CSGALNACT1: variants seen among roughly 807,000 people sequenced by gnomAD.
CSGALNACT1 encodes the protein chondroitin sulfate N-acetylgalactosaminyltransferase 1, also known as beta4GalNAcT-1.
In CSGALNACT1, 52 loss-of-function variants were observed where a neutral mutation model predicts 51.0. The ratio of observed to expected loss-of-function variants is 1.02; its 90% CI spans 0.82 to 1.29. The LOEUF is 1.29. Ranked by LOEUF, CSGALNACT1 falls within the 50% of genes most tolerant of loss-of-function variation. The pLI, the probability that CSGALNACT1 is intolerant of heterozygous loss-of-function variation, is 0.00. For missense variants in CSGALNACT1, 935 were observed against 679.2 expected, an observed-to-expected ratio of 1.38 and a Z score of -4.19; for synonymous variants, 341 against 254.4, an observed-to-expected ratio of 1.34 and a Z score of -3.24.
intron 1 of CSGALNACT1, among the ~76,000 whole-genome samples, chr8:19,644,318 A>G (rs775210034): frequency 7.7e-4 from 117 of 151,998 alleles, no homozygotes; most frequent in Non-Finnish European, 9.7e-4. Flanking sequence ...TACATTTTCC[A>G]TAATTAGTAT....
intron 5 of CSGALNACT1, among the ~76,000 whole-genome samples, chr8:19,448,500 G>GA: frequency 6.6e-6 from 1 of 152,266 alleles, no homozygotes; most frequent in African/African-American, 2.4e-5. Context: ...GGAAGAAACA[G>GA]ACAACTAAAG....
chr8:19,611,388 C>A (rs1281565763), intron 1 of CSGALNACT1, among the ~76,000 whole-genome samples: 4 of 152,178 alleles, frequency 2.6e-5, no homozygotes, highest in African/African-American at 9.7e-5. Context: ...GTTATAACTT[C>A]CTTCACAGTA....
At chr8:19,554,545 A>AGGAGGGAAGAGAG (rs58869533) in intron 3 of CSGALNACT1, among the ~76,000 whole-genome samples, 35 of 151,678 alleles carry the variant, frequency 2.3e-4, no homozygotes, top group Non-Finnish European at 4.3e-4. Flanking sequence ...TATTGAGCAA[A>AGGAGGGAAGAGAG]CTGACAGTTT....
intron 3 of CSGALNACT1, among the ~76,000 whole-genome samples, chr8:19,510,229 A>T (rs1316132344): frequency 6.6e-6 from 1 of 152,154 alleles, no homozygotes; most frequent in Non-Finnish European, 1.5e-5. Flanking sequence ...AGAATGAAGG[A>T]GATATCCAAG....
At chr8:19,453,052 G>A (rs540833284) in intron 5 of CSGALNACT1, among the ~76,000 whole-genome samples, 6 of 152,218 alleles carry the variant, frequency 3.9e-5, no homozygotes, top group East Asian at 1.9e-4. Context: ...TCCCCTGCAC[G>A]TAATGAGAAA....
chr8:19,645,016 A>T (rs1333427783), intron 1 of CSGALNACT1, among the ~76,000 whole-genome samples: 1 of 152,216 alleles, frequency 6.6e-6, no homozygotes, highest in Non-Finnish European at 1.5e-5. Flanking sequence ...GATAAAAATG[A>T]AAGGATCTAT....
intron 1 of CSGALNACT1, among the ~76,000 whole-genome samples, chr8:19,635,005 G>C (rs987576129): frequency 6.6e-6 from 1 of 152,202 alleles, no homozygotes; most frequent in Non-Finnish European, 1.5e-5. Flanking sequence ...GGAAAGACAG[G>C]TCATGTTAAA....
At chr8:19,482,542 C>T (rs2071704662) in intron 4 of CSGALNACT1, among the ~76,000 whole-genome samples, 1 of 152,112 alleles carries the variant, frequency 6.6e-6, no homozygotes. Flanking sequence ...ATGCTAATGC[C>T]CACACTCTCC....
chr8:19,597,127 G>A (rs866984407), intron 2 of CSGALNACT1, among the ~76,000 whole-genome samples: 1 of 152,178 alleles, frequency 6.6e-6, no homozygotes, highest in Non-Finnish European at 1.5e-5. Context: ...ATTTCACAAA[G>A]CATCATGTCT....
At chr8:19,454,928 G>A (rs1182890499) in intron 5 of CSGALNACT1, among the ~76,000 whole-genome samples, 8 of 152,094 alleles carry the variant, frequency 5.3e-5, no homozygotes, top group African/African-American at 1.4e-4. Flanking sequence ...TTATACTTCC[G>A]GTTTTTTTCT....
chr8:19,618,899 C>G (rs891061230), intron 1 of CSGALNACT1, among the ~76,000 whole-genome samples: 3 of 152,006 alleles, frequency 2.0e-5, no homozygotes, highest in Admixed American at 6.6e-5. Flanking sequence ...AATTCTCTAC[C>G]GCTGTAAGAG....
intron 1 of CSGALNACT1, among the ~76,000 whole-genome samples, chr8:19,639,177 A>C (rs938780192): frequency 5.9e-5 from 9 of 152,164 alleles, no homozygotes; most frequent in African/African-American, 2.2e-4. Flanking sequence ...ACTTAAATGA[A>C]ATCTCATTTT....
intron 3 of CSGALNACT1, among the ~76,000 whole-genome samples, chr8:19,531,545 G>A (rs534570624): frequency 1.1e-4 from 16 of 152,262 alleles, no homozygotes; most frequent in African/African-American, 3.4e-4. Flanking sequence ...TAACACCACC[G>A]CTTACCAACT....
At chr8:19,730,872 A>G (rs879388196) in intron 1 of CSGALNACT1, among the ~76,000 whole-genome samples, 4 of 152,184 alleles carry the variant, frequency 2.6e-5, no homozygotes, top group African/African-American at 4.8e-5. Flanking sequence ...CCAGAGCTGA[A>G]ACCAGCTCTC....
chr8:19,669,132 T>C (rs2059599364), intron 1 of CSGALNACT1, among the ~76,000 whole-genome samples: 1 of 152,216 alleles, frequency 6.6e-6, no homozygotes, highest in Non-Finnish European at 1.5e-5. Flanking sequence ...TGTTGATCAT[T>C]TGCTATTTGG....
Position 19,523,795 on chromosome 8 carries a change from G to A in CSGALNACT1, c.-296-17665C>T, listed in dbSNP as rs143314890. Among the ~76,000 whole-genome samples the A allele has an allele frequency of 8.3e-4, 126 of 152,240 alleles. 1 individual carries two copies. The East Asian group carries it at 0.018, about 22-fold the overall frequency. On this transcript the variant is annotated intron_variant, in intron 3 of 9. Coordinates refer to ENST00000454498, the Ensembl canonical transcript of CSGALNACT1. ...TCACCAGGGTAATGGGGAGTGGCAA[G>A]GACAGTTCTAAAAACAATGTTTATG...
intron 1 of CSGALNACT1, among the ~76,000 whole-genome samples, chr8:19,730,359 T>C (rs557723922): frequency 1.1e-4 from 16 of 152,042 alleles, no homozygotes; most frequent in Non-Finnish European, 2.1e-4. Context: ...ACTAACAGAA[T>C]TTGCACACTG....
At chr8:19,718,947 G>A (rs984112903) in intron 1 of CSGALNACT1, among the ~76,000 whole-genome samples, 2 of 152,148 alleles carry the variant, frequency 1.3e-5, no homozygotes, top group African/African-American at 4.8e-5. Context: ...CGCCCTGCAA[G>A]ATCTCTCACC....
intron 1 of CSGALNACT1, among the ~76,000 whole-genome samples, chr8:19,727,657 T>C (rs575269118): frequency 6.6e-6 from 1 of 152,346 alleles, no homozygotes; most frequent in African/African-American, 2.4e-5. Flanking sequence ...AAATTGTTTC[T>C]ATCAAGACGG....
Sources: gnomAD v4.1 joint callset for allele counts (sites outside exome capture counted in the v4.1 genomes callset) on GRCh38, gnomAD v4.1.1 for gene constraint, MANE v1.5 for transcripts, NCBI Gene and HGNC (gene_info 2026-07-23, HGNC 2026-07-21) for gene names.